Variants in SHISA9 observed in about 807,000 individuals in gnomAD.
SHISA9 encodes the protein shisa family member 9.
A neutral mutation model predicts 38.0 loss-of-function variants in SHISA9; 13 were observed. The ratio of observed to expected loss-of-function variants is 0.34; its 90% CI spans 0.22 to 0.54. SHISA9 has a LOEUF of 0.54. SHISA9 is among the 20% of genes least tolerant of loss of function. SHISA9 has a pLI of 0.91. For missense variants in SHISA9, 538 were observed against 575.8 expected (o/e 0.93, Z 0.67); for synonymous variants, 275 against 242.0 (o/e 1.14, Z -1.27).
intron 4 of SHISA9, among the ~76,000 whole-genome samples, chr16:13,226,658 A>C (rs1321787405): frequency 6.6e-6 from 1 of 152,108 alleles, no homozygotes; most frequent in Admixed American, 6.6e-5. Flanking sequence ...GTCAACGGAG[A>C]AGTTCTTGTT....
chr16:13,275,837 C>G, the SHISA9 span, among the ~76,000 whole-genome samples: 1 of 151,836 alleles, frequency 6.6e-6, no homozygotes, highest in African/African-American at 2.4e-5. Flanking sequence ...GATTCTGTTA[C>G]TTTGTATTCT....
At chr16:13,345,521 G>C in the SHISA9 span, among the ~76,000 whole-genome samples, 20,556 of 152,154 alleles carry the variant, frequency 0.14, 1,560 homozygotes, top group Non-Finnish European at 0.18. Flanking sequence ...TGGGCATTTA[G>C]GTTGATTTTA....
chr16:13,057,309 G>T (rs901521236), intron 2 of SHISA9, among the ~76,000 whole-genome samples: 1 of 152,208 alleles, frequency 6.6e-6, no homozygotes, highest in Non-Finnish European at 1.5e-5. Context: ...CAGGTGCTCT[G>T]TTCCTCCTTA....
At chr16:13,466,703 T>C in the SHISA9 span, among the ~76,000 whole-genome samples, 10 of 152,376 alleles carry the variant, frequency 6.6e-5, no homozygotes, top group African/African-American at 2.4e-4. Context: ...ATATATCACA[T>C]ATGTTAAGCA....
the SHISA9 span, among the ~76,000 whole-genome samples, chr16:13,462,396 C>CAG: frequency 6.6e-6 from 1 of 152,154 alleles, no homozygotes. Context: ...TCACTCAATA[C>CAG]AGAGGCCTGA....
At chr16:13,356,181 G>A in the SHISA9 span, among the ~76,000 whole-genome samples, 11 of 152,322 alleles carry the variant, frequency 7.2e-5, no homozygotes, top group East Asian at 1.2e-3. Flanking sequence ...ACACCTGAAG[G>A]TGAGGTTAAT....
chr16:13,035,590 G>GAGTGA (rs2073048014), intron 2 of SHISA9, among the ~76,000 whole-genome samples: 1 of 152,042 alleles, frequency 6.6e-6, no homozygotes, highest in South Asian at 2.1e-4. Context: ...GAGTGCACTG[G>GAGTGA]AGTGATGTCG....
the SHISA9 span, among the ~76,000 whole-genome samples, chr16:13,561,234 G>C: frequency 6.6e-6 from 1 of 152,162 alleles, no homozygotes; most frequent in Non-Finnish European, 1.5e-5. Context: ...CCCTTTGGCA[G>C]TTATTAGTCC....
At chr16:12,992,953 C>T (rs11642141) in intron 2 of SHISA9, among the ~76,000 whole-genome samples, 28,060 of 152,210 alleles carry the variant, frequency 0.18, 3,371 homozygotes, top group Middle Eastern at 0.31. Flanking sequence ...AAAATTGAGG[C>T]ATAGGAAGAT....
the SHISA9 span, among the ~76,000 whole-genome samples, chr16:13,473,893 T>C: frequency 6.6e-6 from 1 of 152,200 alleles, no homozygotes; most frequent in Non-Finnish European, 1.5e-5. Context: ...AGATGCAACA[T>C]CATTCTTGCA....
the SHISA9 span, among the ~76,000 whole-genome samples, chr16:13,282,504 C>T: frequency 5.9e-5 from 9 of 151,932 alleles, no homozygotes; most frequent in African/African-American, 2.2e-4. Flanking sequence ...GTTTCTTGAA[C>T]TATAACTTAC....
chr16:13,482,480 A>C, the SHISA9 span, among the ~76,000 whole-genome samples: 1 of 152,180 alleles, frequency 6.6e-6, no homozygotes, highest in Non-Finnish European at 1.5e-5. Context: ...TTTTAAAGAG[A>C]GGACACTAAG....
the SHISA9 span, among the ~76,000 whole-genome samples, chr16:13,302,901 C>T: frequency 1.1e-4 from 17 of 152,084 alleles, no homozygotes; most frequent in African/African-American, 4.1e-4. Context: ...TTATAATGGG[C>T]TCTTCCCCCT....
At chr16:13,378,320 T>A in the SHISA9 span, among the ~76,000 whole-genome samples, 16 of 152,294 alleles carry the variant, frequency 1.1e-4, no homozygotes, top group African/African-American at 3.9e-4. Context: ...TTTTACTGTG[T>A]GTTGGTTTTA....
At chr16:13,277,704 T>C in the SHISA9 span, among the ~76,000 whole-genome samples, 2 of 152,138 alleles carry the variant, frequency 1.3e-5, no homozygotes, top group East Asian at 3.9e-4. Context: ...GGTTGAGTTC[T>C]TGATTTGATT....
At chr16:13,318,991 A>T in the SHISA9 span, among the ~76,000 whole-genome samples, 73 of 152,208 alleles carry the variant, frequency 4.8e-4, no homozygotes, top group Admixed American at 1.2e-3. Flanking sequence ...CCACAGACTC[A>T]TTTCACTACT....
rs894929299 is a variant in SHISA9 at position 13,238,435 on chromosome 16, T to C, written c.*3026T>C. On this transcript the variant is annotated 3_prime_UTR_variant, in exon 5 of 5. Coordinates refer to ENST00000558583, the MANE Select transcript of SHISA9 (RefSeq NM_001145204.3). Reference sequence around the variant, plus strand: ...TTCTTATCTCCCTTTTACCTCGTGGTTGCTCTTTGCCCCCAGTCCACTTCG... The same window carrying C: ...TTCTTATCTCCCTTTTACCTCGTGGCTGCTCTTTGCCCCCAGTCCACTTCG... 3 of 152,218 alleles carry C rather than the reference T, an allele frequency of 2.0e-5. No individual in the cohort carries two copies. Among genetic ancestry groups the C allele is most frequent in the Non-Finnish European group, 4.4e-5 (3 of 68,046 alleles). The allele number at this position is 152,218 out of a possible 1,614,324, so 9.4% of individuals were successfully genotyped here.
chr16:13,385,778 C>A, the SHISA9 span, among the ~76,000 whole-genome samples: 3 of 150,642 alleles, frequency 2.0e-5, no homozygotes, highest in East Asian at 5.8e-4. Context: ...AGAAAAGGAA[C>A]AAACTGTGGT....
At chr16:13,496,826 A>G in the SHISA9 span, among the ~76,000 whole-genome samples, 2 of 152,166 alleles carry the variant, frequency 1.3e-5, no homozygotes, top group African/African-American at 4.8e-5. Context: ...CACACACACG[A>G]TCTTGGCCAA....
Sources: gnomAD v4.1 joint callset for allele counts (sites outside exome capture counted in the v4.1 genomes callset) on GRCh38, gnomAD v4.1.1 for gene constraint, MANE v1.5 for transcripts, NCBI Gene and HGNC (gene_info 2026-07-23, HGNC 2026-07-21) for gene names.